OSBP2: variants seen among roughly 807,000 people sequenced by gnomAD.
OSBP2 encodes the protein oxysterol-binding protein 2.
Under a neutral mutation model 96.0 loss-of-function variants are expected in OSBP2, and 66 were observed. The observed-to-expected ratio is 0.69, with a 90% CI of 0.56 to 0.84. The LOEUF (loss-of-function observed/expected upper bound fraction) is 0.84, where lower values mean the gene tolerates loss of function less well. Among genes scored for constraint, OSBP2 ranks in the 40% least tolerant of loss-of-function variants. OSBP2 has a pLI of 0.00. For missense variants in OSBP2, 1,038 were observed against 1,222.7 expected, an observed-to-expected ratio of 0.85 and a Z score of 2.25; for synonymous variants, 525 against 520.9, an observed-to-expected ratio of 1.01 and a Z score of -0.11.
chr22:30,827,918 T>G (rs1378019204), intron 2 of OSBP2, among the ~76,000 whole-genome samples: 4 of 152,144 alleles, frequency 2.6e-5, no homozygotes, highest in African/African-American at 9.7e-5. Flanking sequence ...AGAGATGACT[T>G]TTTCAAGATC....
At chr22:30,694,561 CATT>C (rs2088983422), upstream of OSBP2, among the ~76,000 whole-genome samples, 3 of 130,680 alleles carry the variant, frequency 2.3e-5, no homozygotes, top group South Asian at 7.8e-4. Flanking sequence ...CCGCATTCAT[CATT>C]GTTCCTCCAG....
intron 1 of OSBP2, among the ~76,000 whole-genome samples, chr22:30,723,838 A>G (rs1397366614): frequency 6.6e-6 from 1 of 152,144 alleles, no homozygotes; most frequent in Non-Finnish European, 1.5e-5. Context: ...CCCGTTACCA[A>G]CATCCCCATC....
intron 1 of OSBP2, among the ~76,000 whole-genome samples, chr22:30,736,483 C>T (rs1198734582): frequency 6.6e-6 from 1 of 152,174 alleles, no homozygotes; most frequent in Non-Finnish European, 1.5e-5. Flanking sequence ...CCCATCCAAT[C>T]CCTGACCCTG....
At chr22:30,774,466 G>A (rs1011922836) in intron 2 of OSBP2, among the ~76,000 whole-genome samples, 1 of 152,204 alleles carries the variant, frequency 6.6e-6, no homozygotes, top group Non-Finnish European at 1.5e-5. Context: ...TGTTATGAAT[G>A]CGCCACCACC....
Position 30,902,409 on chromosome 22 carries a change from A to C in OSBP2, c.2376-3428A>C, listed in dbSNP as rs2040233746. On this transcript the variant is annotated intron_variant, in intron 12 of 13. Transcript: ENST00000332585. ...AAGGAAGCTTGACATACGATGGTGC[A>C]CTGTTGGGCAATCAGTCACTTCATG... The C allele has an allele frequency of 2.5e-6, 4 of 1,569,808 alleles. No homozygotes were observed. In the South Asian group the frequency reaches 3.3e-5, roughly 13 times the overall value.
intron 2 of OSBP2, among the ~76,000 whole-genome samples, chr22:30,862,857 C>T (rs2039246576): frequency 6.6e-6 from 1 of 151,326 alleles, no homozygotes; most frequent in Non-Finnish European, 1.5e-5. Context: ...CCTGTAATCC[C>T]AGCTACTCGG....
At chr22:30,813,247 T>C (rs1248321384) in intron 2 of OSBP2, among the ~76,000 whole-genome samples, 1 of 138,944 alleles carries the variant, frequency 7.2e-6, no homozygotes, top group East Asian at 2.4e-4. Flanking sequence ...TGGCGCAATC[T>C]CAGCTCACTG....
intron 2 of OSBP2, among the ~76,000 whole-genome samples, chr22:30,818,582 T>G (rs914696652): frequency 2.0e-5 from 3 of 152,186 alleles, no homozygotes; most frequent in Admixed American, 1.3e-4. Flanking sequence ...CTGGGGGACA[T>G]ATTTCTCTGT....
chr22:30,828,149 A>G (rs1415636386), intron 2 of OSBP2, among the ~76,000 whole-genome samples: 1 of 152,212 alleles, frequency 6.6e-6, no homozygotes, highest in Non-Finnish European at 1.5e-5. Context: ...ATTCCTTGTC[A>G]TTAGAAAGAG....
At chr22:30,866,918 C>T (rs73154693) in intron 2 of OSBP2, among the ~76,000 whole-genome samples, 9,362 of 152,278 alleles carry the variant, frequency 0.061, 335 homozygotes, top group Middle Eastern at 0.13. Context: ...AGGCCAAGCC[C>T]CCTTCATTGT....
At chr22:30,790,179 A>G (rs943143917) in intron 2 of OSBP2, among the ~76,000 whole-genome samples, 2 of 152,042 alleles carry the variant, frequency 1.3e-5, no homozygotes. Context: ...CACAGGGCTT[A>G]TTCTTTGTGC....
chr22:30,729,125 TGC>T (rs2089703007), intron 1 of OSBP2, among the ~76,000 whole-genome samples: 4 of 152,212 alleles, frequency 2.6e-5, no homozygotes, highest in Admixed American at 2.0e-4. Flanking sequence ...CTTTGTGAAG[TGC>T]CTACTCAAGT....
chr22:30,893,850 G>T lies in OSBP2; in HGVS notation c.2224G>T (p.Ala742Ser). 1 of 1,587,510 alleles carries T rather than the reference G, an allele frequency of 6.3e-7. No homozygotes were observed. The highest frequency in any genetic ancestry group is 8.6e-7 in the Non-Finnish European group (1 of 1,166,832). ...TGVVSDSQGK[A>S]HYVLSGSWDE... Reference sequence around the variant, plus strand: ...AGTGGTGAGTGACAGCCAGGGCAAGGCCCATTACGTGCTGTCCGGCTCGTG... The same window carrying T: ...AGTGGTGAGTGACAGCCAGGGCAAGTCCCATTACGTGCTGTCCGGCTCGTG... Residue 742 changes from alanine (A) to serine (S), a missense_variant, in exon 12 of 14, where the codon GCC (alanine) becomes TCC (serine). Ala to Ser is a moderately conservative substitution (Grantham distance 99). Around this residue, in one of 3 missense-constraint regions of OSBP2, gnomAD observed 737 missense variants for 913.3 expected, o/e 0.81. Transcript: ENST00000332585.
chr22:30,853,722 A>AT (rs935523315), intron 2 of OSBP2, among the ~76,000 whole-genome samples: 1 of 149,240 alleles, frequency 6.7e-6, no homozygotes, highest in Admixed American at 6.7e-5. Context: ...TTAGTGTTAA[A>AT]TTTTTTTTCT....
At chr22:30,778,303 G>GCGCACACACACACA (rs1555912357) in intron 2 of OSBP2, among the ~76,000 whole-genome samples, 3 of 146,630 alleles carry the variant, frequency 2.0e-5, no homozygotes, top group African/African-American at 5.0e-5. Context: ...GTGTGCATGT[G>GCGCACACACACACA]CACACACACA....
At chr22:30,868,294 A>G (rs5753362) in intron 2 of OSBP2, among the ~76,000 whole-genome samples, 125,878 of 152,266 alleles carry the variant, frequency 0.83, 52,221 homozygotes, top group East Asian at 0.92. Flanking sequence ...TTGGCCTCTC[A>G]GAACCTGCAT....
chr22:30,858,892 A>AATAATAATAATAAT (rs1555921911), intron 2 of OSBP2, among the ~76,000 whole-genome samples: 14 of 149,346 alleles, frequency 9.4e-5, no homozygotes, highest in African/African-American at 3.5e-4. Flanking sequence ...TAATAATAAT[A>AATAATAATAATAAT]ATAATAATAA....
chr22:30,816,465 T>G (rs2091084545), intron 2 of OSBP2, among the ~76,000 whole-genome samples: 1 of 152,158 alleles, frequency 6.6e-6, no homozygotes, highest in Non-Finnish European at 1.5e-5. Context: ...CAGACCCACG[T>G]GGCGGGACTG....
chr22:30,742,619 A>G (rs2089954505), intron 2 of OSBP2, among the ~76,000 whole-genome samples: 1 of 152,108 alleles, frequency 6.6e-6, no homozygotes, highest in Admixed American at 6.6e-5. Context: ...TTTATTTTCC[A>G]TTTAGCAATA....
Sources: allele counts gnomAD v4.1 joint callset (sites outside exome capture counted in the v4.1 genomes callset), GRCh38; gene constraint gnomAD v4.1.1; regional missense constraint gnomAD v4.1.1; transcripts MANE v1.5; gene names NCBI Gene and HGNC (gene_info 2026-07-23, HGNC 2026-07-21).